Variants in TF observed in about 807,000 individuals in gnomAD.
The protein encoded by TF is transferrin.
A neutral mutation model predicts 82.4 loss-of-function variants in TF; 55 were observed. The observed-to-expected ratio is 0.67, with a 90% confidence interval of 0.54 to 0.84. The LOEUF (loss-of-function observed/expected upper bound fraction) is 0.84, where lower values mean the gene tolerates loss of function less well. Ranked by LOEUF, TF falls within the 40% of genes least tolerant of loss-of-function variation. The pLI is 0.00. For synonymous variants in TF, 332 were observed against 332.6 expected, an observed-to-expected ratio of 1.00 and a Z score of 0.02; for missense variants, 737 against 868.4, an observed-to-expected ratio of 0.85 and a Z score of 1.90.
At chr3:133,717,242 T>A in the TF span, among the ~76,000 whole-genome samples, 1 of 152,328 alleles carries the variant, frequency 6.6e-6, no homozygotes, top group African/African-American at 2.4e-5. Flanking sequence ...AAGGGCACTG[T>A]CTTGACAGGT....
chr3:133,761,022 C>T (rs1318875155), intron 9 of TF: 2 of 153,840 alleles, frequency 1.3e-5, no homozygotes, highest in Non-Finnish European at 1.5e-5. Context: ...CTGACCTGTC[C>T]CAATTTCCCA....
intron 13 of TF, among the ~76,000 whole-genome samples, chr3:133,768,586 C>T (rs930236918): frequency 4.0e-5 from 6 of 150,362 alleles, no homozygotes; most frequent in African/African-American, 1.5e-4. Context: ...ACTAGTGCCT[C>T]GGCAATGATA....
intron 9 of TF, among the ~76,000 whole-genome samples, chr3:133,760,127 C>G (rs1933950527): frequency 6.6e-6 from 1 of 152,070 alleles, no homozygotes; most frequent in Non-Finnish European, 1.5e-5. Flanking sequence ...TCCACTCCCC[C>G]TCCTCCCCAC....
At chr3:133,697,826 C>T in the TF span, among the ~76,000 whole-genome samples, 31 of 152,364 alleles carry the variant, frequency 2.0e-4, no homozygotes, top group African/African-American at 5.3e-4. Context: ...CCACTCACAG[C>T]AGCCCTGATA....
At chr3:133,702,280 C>G in the TF span, among the ~76,000 whole-genome samples, 1 of 152,008 alleles carries the variant, frequency 6.6e-6, no homozygotes, top group Non-Finnish European at 1.5e-5. Context: ...AATCCAAGAG[C>G]TGGACTCCTG....
chr3:133,706,418 G>T, the TF span, among the ~76,000 whole-genome samples: 19 of 152,118 alleles, frequency 1.2e-4, no homozygotes, highest in Non-Finnish European at 2.4e-4. Flanking sequence ...AAGCAGAGAG[G>T]GTCTGTCTCT....
chr3:133,672,835 A>T, the TF span, among the ~76,000 whole-genome samples: 1 of 152,054 alleles, frequency 6.6e-6, no homozygotes, highest in Admixed American at 6.5e-5. Context: ...GAAAAAAGAG[A>T]ATAAGAGAAG....
the TF span, among the ~76,000 whole-genome samples, chr3:133,735,702 A>G: frequency 6.6e-6 from 1 of 152,232 alleles, no homozygotes; most frequent in African/African-American, 2.4e-5. Flanking sequence ...AAGAAAGGAT[A>G]TCAGAGATTG....
At chr3:133,715,799 A>T in the TF span, among the ~76,000 whole-genome samples, 1 of 152,190 alleles carries the variant, frequency 6.6e-6, no homozygotes, top group Non-Finnish European at 1.5e-5. Context: ...GACTACTCCC[A>T]CCACTCCAAC....
the TF span, among the ~76,000 whole-genome samples, chr3:133,667,008 C>A: frequency 2.0e-5 from 3 of 151,456 alleles, no homozygotes; most frequent in Non-Finnish European, 4.4e-5. Flanking sequence ...TGCACTCCAA[C>A]CTGGGCAGCA....
At chr3:133,673,101 C>T in the TF span, among the ~76,000 whole-genome samples, 1 of 152,140 alleles carries the variant, frequency 6.6e-6, no homozygotes, top group Non-Finnish European at 1.5e-5. Context: ...TCGGCAGTAA[C>T]TATTAAAGCT....
At chr3:133,699,061 A>G in the TF span, among the ~76,000 whole-genome samples, 12 of 152,358 alleles carry the variant, frequency 7.9e-5, no homozygotes, top group Admixed American at 2.6e-4. Context: ...CATCTGTAGA[A>G]TGAGATAATC....
At chr3:133,753,486 C>A in intron 2 of TF, 109 bp from the exon 3 acceptor site, 1 of 931,130 alleles carries the variant, frequency 1.1e-6, no homozygotes, top group Non-Finnish European at 1.8e-6. Flanking sequence ...TAGTCAAGTT[C>A]TGGCCCTGGG....
At chr3:133,728,533 G>T in the TF span, among the ~76,000 whole-genome samples, 2 of 152,074 alleles carry the variant, frequency 1.3e-5, no homozygotes, top group African/African-American at 4.8e-5. Context: ...CTCTGTATTG[G>T]TTATTCTAGT....
At chr3:133,692,213 C>T in the TF span, among the ~76,000 whole-genome samples, 1 of 152,186 alleles carries the variant, frequency 6.6e-6, no homozygotes, top group Non-Finnish European at 1.5e-5. Flanking sequence ...GAACATGGGC[C>T]TGGATTTATG....
chr3:133,713,624 A>G, the TF span, among the ~76,000 whole-genome samples: 245 of 152,356 alleles, frequency 1.6e-3, no homozygotes, highest in African/African-American at 5.7e-3. Context: ...TAATGAAGCT[A>G]AAGTTAAGGA....
chr3:133,711,109 C>A, the TF span, among the ~76,000 whole-genome samples: 1 of 152,178 alleles, frequency 6.6e-6, no homozygotes, highest in South Asian at 2.1e-4. Context: ...TCACAAGGTC[C>A]CCATTTCCCA....
upstream of TF, among the ~76,000 whole-genome samples, chr3:133,744,653 C>A (rs1933456587): frequency 6.6e-6 from 1 of 152,178 alleles, no homozygotes; most frequent in South Asian, 2.1e-4. Flanking sequence ...CAGCAGTGGT[C>A]ACTCTCCCTC....
Position 133,750,740 on chromosome 3 carries a change from A to G in TF, c.216+2156A>G, listed in dbSNP as rs149151053. Among the ~76,000 whole-genome samples, 490 of 152,200 alleles carry G rather than the reference A, an allele frequency of 3.2e-3. 3 individuals are homozygous for G. The highest frequency in any genetic ancestry group is 6.1e-3 in the Non-Finnish European group (416 of 68,008). On this transcript the variant is annotated intron_variant, in intron 2 of 16. Transcript: ENST00000402696. ...TGACCACTCTCCCAACCCCACTGCA[A>G]TGGGCAAAGCTCTCGTTTGTTTGCT...
Sources: gnomAD v4.1 joint callset for allele counts (sites outside exome capture counted in the v4.1 genomes callset) on GRCh38, gnomAD v4.1.1 for gene constraint, MANE v1.5 for transcripts, NCBI Gene and HGNC (gene_info 2026-07-23, HGNC 2026-07-21) for gene names.